G2E3: variants seen among roughly 807,000 people sequenced by gnomAD.
The protein encoded by G2E3 is G2/M-phase specific E3 ubiquitin protein ligase, also known as G2/M phase-specific E3 ubiquitin-protein ligase.
In G2E3, 35 loss-of-function variants were observed where a neutral mutation model predicts 92.8. The observed-to-expected ratio is 0.38, with a 90% confidence interval of 0.29 to 0.50. The LOEUF is 0.50. G2E3 is among the 20% of genes least tolerant of loss of function. The pLI, the probability that G2E3 is intolerant of heterozygous loss-of-function variation, is 0.94. For missense variants in G2E3, 554 were observed against 823.8 expected, an observed-to-expected ratio of 0.67 and a Z score of 4.01; for synonymous variants, 242 against 272.4, an observed-to-expected ratio of 0.89 and a Z score of 1.10.
chr14:30,559,359 C>G (rs1878948639), intron 1 of G2E3, 87 bp downstream of exon 1: 1 of 152,564 alleles, frequency 6.6e-6, no homozygotes, highest in Non-Finnish European at 1.5e-5. Flanking sequence ...GGAGGCCGGA[C>G]GTCGCAGCCG....
chr14:30,571,991 A>G (rs1368982616), intron 1 of G2E3, among the ~76,000 whole-genome samples: 3 of 151,026 alleles, frequency 2.0e-5, no homozygotes, highest in Non-Finnish European at 2.9e-5. Context: ...ATTGTGTTAA[A>G]TTGACATCTT....
intron 3 of G2E3, among the ~76,000 whole-genome samples, chr14:30,588,517 T>C (rs921094871): frequency 6.6e-6 from 1 of 152,138 alleles, no homozygotes; most frequent in African/African-American, 2.4e-5. Flanking sequence ...TTCTGTCTTA[T>C]TCAATGAATA....
chr14:30,606,792 T>A (rs772692046), intron 11 of G2E3, among the ~76,000 whole-genome samples: 7 of 152,260 alleles, frequency 4.6e-5, no homozygotes, highest in Admixed American at 2.0e-4. Flanking sequence ...ATTTAAAAAT[T>A]AAGGAAAAAT....
At chr14:30,567,249 T>A (rs1879490509) in intron 1 of G2E3, among the ~76,000 whole-genome samples, 1 of 152,154 alleles carries the variant, frequency 6.6e-6, no homozygotes. Context: ...TTGGTGCCAA[T>A]TTTTCTTCAA....
chr14:30,587,133 C>CTAGTGATAACACTTACATAACACTTTCTT (rs1880754540), intron 3 of G2E3, among the ~76,000 whole-genome samples: 2 of 152,034 alleles, frequency 1.3e-5, no homozygotes, highest in African/African-American at 4.8e-5. Context: ...TTTCTTATTT[C>CTAGTGATAACACTTACATAACACTTTCTT]ATTTGTTGCT....
At chr14:30,610,794 A>G (rs538123241) in intron 12 of G2E3, among the ~76,000 whole-genome samples, 3 of 152,312 alleles carry the variant, frequency 2.0e-5, no homozygotes, top group African/African-American at 7.2e-5. Context: ...ATTTTAGGGT[A>G]AGAGTTGGCA....
At chr14:30,603,133 C>G (rs897942485) in intron 10 of G2E3, among the ~76,000 whole-genome samples, 2 of 152,034 alleles carry the variant, frequency 1.3e-5, no homozygotes, top group Non-Finnish European at 2.9e-5. Flanking sequence ...CGAGAACATC[C>G]TGGCCAATAT....
chr14:30,580,167 A>G (rs938430283), intron 1 of G2E3, among the ~76,000 whole-genome samples: 4 of 152,144 alleles, frequency 2.6e-5, no homozygotes, highest in African/African-American at 9.7e-5. Flanking sequence ...TGCAACAGCC[A>G]CAAATACGGT....
chr14:30,605,871 G>C, intron 11 of G2E3, 59 bp downstream of exon 11: 1 of 866,754 alleles, frequency 1.2e-6, no homozygotes, highest in Non-Finnish European at 1.7e-6. Flanking sequence ...AAAAGAGATA[G>C]ATAGCTGGTT....
chr14:30,601,639 C>T, intron 8 of G2E3, 131 bp from the exon 9 acceptor site: 1 of 813,070 alleles, frequency 1.2e-6, no homozygotes, highest in South Asian at 1.7e-5. Flanking sequence ...TAATCTTTTT[C>T]TTCCTTTAGT....
At chr14:30,600,325 T>C (rs1372633698) in intron 8 of G2E3, among the ~76,000 whole-genome samples, 1 of 152,168 alleles carries the variant, frequency 6.6e-6, no homozygotes, top group Non-Finnish European at 1.5e-5. Flanking sequence ...ATTGTGCTTG[T>C]TACAATATAG....
rs781266362 is a variant in G2E3 at position 30,605,586 on chromosome 14, G to T, written c.1092G>T (p.Leu364Phe). 7.3e-6 allele frequency: 11 copies of T among 1,516,952 alleles called. No homozygotes were observed. The highest frequency in any genetic ancestry group is 2.3e-5 in the East Asian group (1 of 44,282). 94.0% of individuals were successfully genotyped at this position (1,516,952 alleles called of 1,614,324 possible). The change falls in exon 11 of 15, where the codon TTG becomes TTT. Residue 364 changes from leucine (L) to phenylalanine (F), a missense_variant. Coordinates refer to ENST00000206595, the MANE Select transcript of G2E3 (RefSeq NM_017769.5). Reference sequence around the variant, plus strand: ...AAATTAAAAAAAAAACTAAAAGATTGTATATCAACAAAGCCAATATCTGGA... The same window carrying T: ...AAATTAAAAAAAAAACTAAAAGATTTTATATCAACAAAGCCAATATCTGGA... ...GFQIKKKTKR[L>F]YINKANIWNS...
At position 30,612,362 on chromosome 14, in the gene G2E3, C is replaced by A. The variant is rs143256459; in HGVS notation, c.1656C>A (p.Val552=). Residue 552 remains valine, a synonymous_variant, in exon 13 of 15, where the codon GTC becomes GTA. Coordinates refer to ENST00000206595, the MANE Select transcript of G2E3 (RefSeq NM_017769.5). ...TTGGCTACCATGTAATTCAGAGAGT[C>A]CACACACCCTTTGAAAGGTAAGTTG... ...DILGYHVIQR[V]HTPFESFKQG... is the part of the protein sequence containing the mutation. 1.3e-6 allele frequency: 2 copies of A among 1,585,090 alleles called. No individual in the cohort carries two copies. Among genetic ancestry groups the A allele is most frequent in the Non-Finnish European group, 1.7e-6 (2 of 1,164,226 alleles).
chr14:30,595,998 A>C (rs946287113), intron 6 of G2E3, among the ~76,000 whole-genome samples: 1 of 151,762 alleles, frequency 6.6e-6, no homozygotes, highest in African/African-American at 2.4e-5. Flanking sequence ...TATACCAGAT[A>C]CTTCCTTTTA....
chr14:30,578,873 G>C (rs1320766069), intron 1 of G2E3, among the ~76,000 whole-genome samples: 1 of 152,028 alleles, frequency 6.6e-6, no homozygotes, highest in Admixed American at 6.6e-5. Flanking sequence ...CTTTCCATAT[G>C]GATATTCAGT....
chr14:30,609,276 G>GT (rs1881978876), intron 12 of G2E3, among the ~76,000 whole-genome samples: 1 of 151,556 alleles, frequency 6.6e-6, no homozygotes, highest in African/African-American at 2.4e-5. Context: ...TCTCTACTTC[G>GT]TATTTCCTAT....
Position 30,602,038 on chromosome 14 carries a change from CTAA to C in G2E3, c.922_924del (p.Asn308del). The C allele has an allele frequency of 1.2e-6, 2 of 1,610,764 alleles. No individual in the cohort carries two copies. Among genetic ancestry groups the C allele is most frequent in the Non-Finnish European group, 1.7e-6 (2 of 1,177,276 alleles). On this transcript the variant is annotated inframe_deletion, in exon 10 of 15. Coordinates refer to ENST00000206595, the MANE Select transcript of G2E3 (RefSeq NM_017769.5). ...GCCAAAAAACATGTATTACCCAATTCTAATAATGTGGGGATTACAGATTGTTTG... is the reference window on the plus strand; with the variant it reads ...GCCAAAAAACATGTATTACCCAATTCTAATGTGGGGATTACAGATTGTTTG...
rs1454654360 is a variant in G2E3, at chr14:30,593,824, A to G, written c.528+185A>G. 6.2e-4 allele frequency among the ~76,000 whole-genome samples: 95 copies of G among 152,202 alleles called. 1 individual carries two copies. Among genetic ancestry groups the G allele is most frequent in the Non-Finnish European group, 2.1e-4 (14 of 68,032 alleles). ...AAAATTCACCCTATTTAAGTATACAATTAACATTCAATAAATACTTCAGAT... is the reference window on the plus strand; with the variant it reads ...AAAATTCACCCTATTTAAGTATACAGTTAACATTCAATAAATACTTCAGAT... On this transcript the variant is annotated intron_variant, in intron 6 of 14. Transcript: ENST00000206595.
chr14:30,601,766 T>G lies in G2E3; in HGVS notation c.753-4T>G, dbSNP rs371836695. The G allele has an allele frequency of 3.2e-5, 51 of 1,613,820 alleles. No individual in the cohort carries two copies. In the African/African-American group the frequency reaches 6.4e-4, roughly 20 times the overall value. ...GTAAGTTCTGCTTTTCTTTGTGTCC[T>G]CAGCAAATGGGAAATAAAGCGCTGT... On this transcript the variant is annotated splice_polypyrimidine_tract_variant and splice_region_variant and intron_variant, in intron 8 of 14. Transcript: ENST00000206595.
Sources: gnomAD v4.1 joint callset for allele counts (sites outside exome capture counted in the v4.1 genomes callset) on GRCh38, gnomAD v4.1.1 for gene constraint, MANE v1.5 for transcripts, NCBI Gene and HGNC (gene_info 2026-07-23, HGNC 2026-07-21) for gene names.